Variants in NAPG observed in about 807,000 individuals in gnomAD.
The protein encoded by NAPG is gamma-soluble NSF attachment protein.
A neutral mutation model predicts 48.4 loss-of-function variants in NAPG; 25 were observed. That is an observed-to-expected ratio of 0.52 (90% CI 0.38 to 0.72). The LOEUF (loss-of-function observed/expected upper bound fraction) is 0.72. NAPG is among the 30% of genes least tolerant of loss of function. NAPG has a pLI of 0.00. For missense variants in NAPG, 359 were observed against 372.5 expected, an observed-to-expected ratio of 0.96 and a Z score of 0.30; for synonymous variants, 139 against 127.2, an observed-to-expected ratio of 1.09 and a Z score of -0.62.
intron 8 of NAPG, among the ~76,000 whole-genome samples, chr18:10,541,316 A>G (rs2032152470): frequency 6.6e-6 from 1 of 152,230 alleles, no homozygotes; most frequent in African/African-American, 2.4e-5. Context: ...TTTTTAAATT[A>G]GGACTTTAAT....
In NAPG at chr18:10,543,089, A is replaced by G. The variant is rs1426864556; in HGVS notation, c.506+2690A>G. On this transcript the variant is annotated intron_variant, in intron 8 of 11. Coordinates refer to ENST00000322897, the MANE Select transcript of NAPG (RefSeq NM_003826.3). This position sits in a 1 kb window ranked among gnomAD's most constrained non-coding sequence, Gnocchi z 4.4. ...ATCCCAGCTACTCGGGAGGCTGGAG[A>G]ATCGCTTGAACCCAGGAGGCACAGG... Among the ~76,000 whole-genome samples the G allele has an allele frequency of 6.6e-6, 1 of 151,594 alleles. No homozygotes were observed. Among genetic ancestry groups the G allele is most frequent in the Non-Finnish European group, 1.5e-5 (1 of 67,872 alleles).
chr18:10,549,421 G>A (rs906175529), intron 11 of NAPG, among the ~76,000 whole-genome samples: 4 of 152,006 alleles, frequency 2.6e-5, no homozygotes, highest in Non-Finnish European at 5.9e-5. Flanking sequence ...TCTTTTAGAC[G>A]GACTCTCTGA....
intron 1 of NAPG, among the ~76,000 whole-genome samples, chr18:10,529,530 G>A (rs1414034459): frequency 1.3e-5 from 2 of 152,188 alleles, no homozygotes; most frequent in Non-Finnish European, 2.9e-5. Flanking sequence ...AAGGTGGGCG[G>A]ATCACTTGAG....
rs1268473091 is a variant in NAPG at position 10,539,840 on chromosome 18, A to G, written c.337A>G (p.Thr113Ala). 6.2e-7 allele frequency: 1 copy of G among 1,614,008 alleles called. No individual in the cohort carries two copies. Among genetic ancestry groups the G allele is most frequent in the South Asian group, 1.1e-5 (1 of 91,084 alleles). The change falls in exon 6 of 12, where the codon ACA (threonine) becomes GCA (alanine). Residue 113 changes from threonine to alanine, a missense_variant. Thr to Ala is a moderately conservative substitution (Grantham distance 58, BLOSUM62 0). Transcript: ENST00000322897. The surrounding 1 kb of genome is among the most constrained non-coding windows in gnomAD (Gnocchi z 4.7). ...GTATCTAGAAAACGGCACCCCAGAC[A>G]CAGCAGCCATGGCTTTGGAGCGAGC... ...MMYLENGTPD[T>A]AAMALERAGK...
chr18:10,548,890 C>A lies in NAPG; in HGVS notation c.666-77C>A. 1 of 1,535,540 alleles carries A rather than the reference C, an allele frequency of 6.5e-7. No individual in the cohort carries two copies. Among genetic ancestry groups the A allele is most frequent in the Non-Finnish European group, 8.8e-7 (1 of 1,132,438 alleles). ...AATGTCTCCAGACAGTGTCACATGC[C>A]AGGGGCAGAATCATCCCTGCCTGAG... is the stretch of plus-strand genomic sequence containing the variant. On this transcript the variant is annotated intron_variant, in intron 10 of 11. Transcript: ENST00000322897. The surrounding 1 kb of genome is among the most constrained non-coding windows in gnomAD (Gnocchi z 4.4).
Position 10,534,441 on chromosome 18 carries a change from C to T in NAPG, c.228-25C>T. 6.2e-7 allele frequency: 1 copy of T among 1,609,024 alleles called. No homozygotes were observed. ...ACCCCTTATTTCGTTAAGATCTCAT[C>T]AGAGAAATTATATTCTCTTTGCAGA... On this transcript the variant is annotated intron_variant, in intron 4 of 11. Transcript: ENST00000322897. This position sits in a 1 kb window ranked among gnomAD's most constrained non-coding sequence, Gnocchi z 5.0.
Position 10,548,589 on chromosome 18 carries a change from A to C in NAPG, c.665+211A>C, listed in dbSNP as rs1217380172. Among the ~76,000 whole-genome samples, 1 of 151,250 alleles carries C rather than the reference A, an allele frequency of 6.6e-6. No individual in the cohort carries two copies. Among genetic ancestry groups the C allele is most frequent in the Admixed American group, 6.6e-5 (1 of 15,150 alleles). ...TTTTTCTCTAGGGGACCTCCATGGA[A>C]GTGAATGACTTTAGTCATTTTAGTC... On this transcript the variant is annotated intron_variant, in intron 10 of 11. Transcript: ENST00000322897. The surrounding 1 kb of genome is among the most constrained non-coding windows in gnomAD (Gnocchi z 4.4).
At chr18:10,540,488 AT>A in intron 8 of NAPG, 89 bp downstream of exon 8, 5 of 1,077,012 alleles carry the variant, frequency 4.6e-6, no homozygotes, top group South Asian at 1.3e-5. Context: ...TAGCTTGTTA[AT>A]TTTTTGGTAT....
At position 10,548,495 on chromosome 18, in the gene NAPG, A is replaced by C; in HGVS notation, c.665+117A>C. On this transcript the variant is annotated intron_variant, in intron 10 of 11. Coordinates refer to ENST00000322897, the MANE Select transcript of NAPG (RefSeq NM_003826.3). This position sits in a 1 kb window ranked among gnomAD's most constrained non-coding sequence, Gnocchi z 4.4. ...GAAACTGTCATTTCTAAATCTTAGGAGTGCTCATCTACCATTTCATCTTTT... is the reference window on the plus strand; with the variant it reads ...GAAACTGTCATTTCTAAATCTTAGGCGTGCTCATCTACCATTTCATCTTTT... 1 of 784,504 alleles carries C rather than the reference A, an allele frequency of 1.3e-6. No homozygotes were observed. Among genetic ancestry groups the C allele is most frequent in the Non-Finnish European group, 2.1e-6 (1 of 482,006 alleles). The allele number at this position is 784,504 out of a possible 1,614,324, so 48.6% of individuals were successfully genotyped here.
At chr18:10,533,457 T>G in intron 3 of NAPG, 79 bp from the exon 4 acceptor site, 1 of 1,304,236 alleles carries the variant, frequency 7.7e-7, no homozygotes, top group Non-Finnish European at 1.1e-6. Context: ...TTTAGTTAAC[T>G]GTCTTTAAAT....
chr18:10,531,935 A>G (rs1598409303), intron 2 of NAPG, among the ~76,000 whole-genome samples: 1 of 152,356 alleles, frequency 6.6e-6, no homozygotes, highest in East Asian at 1.9e-4. Context: ...CAACATATGG[A>G]AAAGCAGGGA....
At chr18:10,540,206 A>AC in intron 7 of NAPG, 123 bp from the exon 8 acceptor site, 1 of 1,055,926 alleles carries the variant, frequency 9.5e-7, no homozygotes, top group Non-Finnish European at 1.4e-6. Context: ...AGTGAAATGA[A>AC]CTAGCAGCTT....
rs757204285 is a variant in NAPG at position 10,551,849 on chromosome 18, A to G, written c.*1629A>G. On this transcript the variant is annotated 3_prime_UTR_variant, in exon 12 of 12. Transcript: ENST00000322897. The stretch of plus-strand genomic sequence containing the variant: ...CTGATACAAAATGCTAATAAATTTA[A>G]TGTTTTTCTTCCTTAATTTATTGGC... 4 of 152,154 alleles carry G rather than the reference A, an allele frequency of 2.6e-5. No homozygotes were observed. The highest frequency in any genetic ancestry group is 5.9e-5 in the Non-Finnish European group (4 of 68,028). The allele number at this position is 152,154 out of a possible 1,614,324, so 9.4% of individuals were successfully genotyped here. A position where few individuals can be genotyped will look rare whatever the true frequency, so the allele number is the denominator to read the frequency against.
intron 5 of NAPG, among the ~76,000 whole-genome samples, chr18:10,536,390 A>G (rs1409044699): frequency 6.6e-6 from 1 of 152,250 alleles, no homozygotes; most frequent in Non-Finnish European, 1.5e-5. Flanking sequence ...ATTCACCAGA[A>G]AGGCTTGGGG....
chr18:10,550,050 T>C (rs770987140), intron 11 of NAPG, 27 bp from the exon 12 acceptor site: 3 of 1,500,694 alleles, frequency 2.0e-6, no homozygotes, highest in Non-Finnish European at 2.7e-6. Flanking sequence ...TTATCCAGCT[T>C]TTAAGAACAT....
intron 2 of NAPG, 110 bp from the exon 3 acceptor site, chr18:10,532,601 A>C (rs1285398988): frequency 2.8e-6 from 2 of 725,474 alleles, no homozygotes; most frequent in Admixed American, 6.4e-5. Flanking sequence ...ATACTTCCTA[A>C]GTATTTGAAG....
chr18:10,536,333 C>T (rs766700859), intron 5 of NAPG, among the ~76,000 whole-genome samples: 56 of 152,198 alleles, frequency 3.7e-4, no homozygotes, highest in Non-Finnish European at 7.2e-4. Context: ...GTCCACAATT[C>T]TGTGGGCTAA....
chr18:10,526,247 A>AT, intron 1 of NAPG, 89 bp downstream of exon 1: 36 of 427,558 alleles, frequency 8.4e-5, no homozygotes, highest in Middle Eastern at 7.9e-4. Context: ...GGCGGGAGGG[A>AT]GGGCTCAGGG....
chr18:10,526,246 G>GGGC, intron 1 of NAPG, 88 bp downstream of exon 1: 24 of 490,182 alleles, frequency 4.9e-5, no homozygotes, highest in East Asian at 1.7e-4. Flanking sequence ...GGGCGGGAGG[G>GGGC]AGGGCTCAGG....
Sources: allele counts gnomAD v4.1 joint callset (sites outside exome capture counted in the v4.1 genomes callset), GRCh38; gene constraint gnomAD v4.1.1; non-coding constraint Gnocchi (gnomAD v3.1); transcripts MANE v1.5; gene names NCBI Gene and HGNC (gene_info 2026-07-23, HGNC 2026-07-21).